BTAF1: variants seen among roughly 807,000 people sequenced by gnomAD.
BTAF1 encodes B-TFIID TATA-box binding protein associated factor 1.
A neutral mutation model predicts 227.1 loss-of-function variants in BTAF1; 38 were observed. That is an observed-to-expected ratio of 0.17 (90% CI 0.13 to 0.22). The LOEUF (loss-of-function observed/expected upper bound fraction) is 0.22, where lower values mean the gene tolerates loss of function less well. BTAF1 is among the 10% of genes least tolerant of loss of function. The pLI is 1.00. For synonymous variants in BTAF1, 742 were observed against 751.9 expected (o/e 0.99, Z 0.21); for missense variants, 1,598 against 2,204.0 (o/e 0.73, Z 5.51).
In BTAF1 at chr10:92,013,552, T is replaced by C. The variant is rs572535332; in HGVS notation, c.4312-115T>C. 4 of 1,342,972 alleles carry C rather than the reference T, an allele frequency of 3.0e-6. No individual in the cohort carries two copies. In the South Asian group the frequency reaches 5.3e-5, roughly 18 times the overall value. 83.2% of individuals were successfully genotyped at this position (1,342,972 alleles called of 1,614,324 possible). On this transcript the variant is annotated intron_variant, in intron 30 of 37. Coordinates refer to ENST00000265990, the MANE Select transcript of BTAF1 (RefSeq NM_003972.3). Reference sequence around the variant, plus strand: ...AAGACTTACACCATATGTCTAAAAATATAGTGATAATCTCTCATCTATATG... The same window carrying C: ...AAGACTTACACCATATGTCTAAAAACATAGTGATAATCTCTCATCTATATG...
At chr10:92,022,471 G>C (rs1851208406) in intron 34 of BTAF1, among the ~76,000 whole-genome samples, 1 of 152,056 alleles carries the variant, frequency 6.6e-6, no homozygotes. Context: ...ACTCAGGCTG[G>C]AGTACAGTGG....
Position 91,956,577 on chromosome 10 carries a change from A to G in BTAF1, c.751A>G (p.Asn251Asp). ...EPEEKRRKIA[N>D]VVINQSANDS... ...AGAAGAAAAGAGACGGAAAATAGCAAATGTTGTTATTAATCAGTCTGCAAA... is the reference window on the plus strand; with the variant it reads ...AGAAGAAAAGAGACGGAAAATAGCAGATGTTGTTATTAATCAGTCTGCAAA... Residue 251 changes from asparagine (N) to aspartate (D), a missense_variant, in exon 7 of 38, where the codon AAT becomes GAT. This residue lies in a region of BTAF1 where 298 missense variants were observed against 395.2 expected (regional missense o/e 0.75). Transcript: ENST00000265990. The G allele has an allele frequency of 1.2e-6, 2 of 1,601,472 alleles. No homozygotes were observed. The highest frequency in any genetic ancestry group is 1.7e-6 in the Non-Finnish European group (2 of 1,176,814).
intron 11 of BTAF1, 49 bp from the exon 12 acceptor site, chr10:91,962,489 A>G (rs1257900955): frequency 1.5e-6 from 2 of 1,342,298 alleles, no homozygotes; most frequent in African/African-American, 1.5e-5. Context: ...GTTTAAGCAC[A>G]GTAACTGTAG....
rs143124844 is a variant in BTAF1, at chr10:91,952,160, TTGTG to T, written c.564+612_564+615del. Among the ~76,000 whole-genome samples the T allele has an allele frequency of 3.7e-3, 545 of 148,594 alleles. 4 individuals are homozygous for T. The highest frequency in any genetic ancestry group is 0.012 in the African/African-American group (502 of 40,734). On this transcript the variant is annotated intron_variant, in intron 5 of 37. Coordinates refer to ENST00000265990, the MANE Select transcript of BTAF1 (RefSeq NM_003972.3). Reference sequence around the variant, plus strand: ...TATATGTATATGTGTGTGTGTGTGTTTGTGTGTGTGTGTGTGTGTGTATATATAT... The same window carrying T: ...TATATGTATATGTGTGTGTGTGTGTTTGTGTGTGTGTGTGTGTATATATAT...
At chr10:91,933,492 G>A (rs1336325082) in intron 1 of BTAF1, among the ~76,000 whole-genome samples, 2 of 152,146 alleles carry the variant, frequency 1.3e-5, no homozygotes, top group Non-Finnish European at 2.9e-5. Context: ...CATATTAAGA[G>A]TATTAAGAAT....
intron 14 of BTAF1, among the ~76,000 whole-genome samples, chr10:91,978,242 G>A (rs1395585996): frequency 1.3e-5 from 2 of 152,114 alleles, no homozygotes. Context: ...AGCCTGAGAA[G>A]ACAACTACAG....
chr10:91,959,986 A>G lies in BTAF1; in HGVS notation c.1095A>G (p.Ala365=). 1 of 1,608,976 alleles carries G rather than the reference A, an allele frequency of 6.2e-7. No individual in the cohort carries two copies. Among genetic ancestry groups the G allele is most frequent in the Non-Finnish European group, 8.5e-7 (1 of 1,177,542 alleles). The part of the protein sequence containing the change: ...FGDFVSDEVV[A]PVRETCAQTL... The stretch of plus-strand genomic sequence containing the variant: ...TCCTTTTTCGTCTGTAGGTTGTGGC[A>G]CCAGTTCGTGAAACTTGTGCTCAAA... Residue 365 remains alanine (A), a synonymous_variant, in exon 11 of 38, where the codon GCA becomes GCG. Coordinates refer to ENST00000265990, the MANE Select transcript of BTAF1 (RefSeq NM_003972.3).
intron 13 of BTAF1, 65 bp downstream of exon 13, chr10:91,964,266 C>T (rs1846722523): frequency 6.6e-7 from 1 of 1,507,194 alleles, no homozygotes; most frequent in African/African-American, 1.4e-5. Flanking sequence ...ATAATTCAGC[C>T]TAAACATAAC....
At chr10:92,014,806 G>A (rs1054019609) in intron 32 of BTAF1, among the ~76,000 whole-genome samples, 1 of 152,116 alleles carries the variant, frequency 6.6e-6, no homozygotes, top group Non-Finnish European at 1.5e-5. Flanking sequence ...TTTTGTCATT[G>A]TGCAAACATC....
chr10:91,952,156 GTGTT>G (rs1193299518), intron 5 of BTAF1, among the ~76,000 whole-genome samples: 4 of 146,054 alleles, frequency 2.7e-5, no homozygotes, highest in African/African-American at 5.3e-5. Context: ...GTGTGTGTGT[GTGTT>G]TGTGTGTGTG....
rs370501922 is a variant in BTAF1, at chr10:91,959,183, C to T, written c.990+29C>T. The T allele has an allele frequency of 5.6e-6, 9 of 1,612,972 alleles. No homozygotes were observed. In the African/African-American group the frequency reaches 1.1e-4, roughly 19 times the overall value. The stretch of plus-strand genomic sequence containing the variant: ...AGTGTATTAATGCAACAATTATCAC[C>T]AAGTATTAATAGTTGGCATCTTTTT... On this transcript the variant is annotated intron_variant, in intron 9 of 37. Transcript: ENST00000265990.
intron 3 of BTAF1, 92 bp from the exon 4 acceptor site, chr10:91,942,325 TGTGTG>T: frequency 3.7e-6 from 3 of 816,600 alleles, no homozygotes; most frequent in East Asian, 2.8e-5. Flanking sequence ...TGTGTGTGTG[TGTGTG>T]TAACCCATGC....
intron 32 of BTAF1, among the ~76,000 whole-genome samples, chr10:92,014,800 G>T (rs946289942): frequency 6.6e-6 from 1 of 152,134 alleles, no homozygotes; most frequent in Admixed American, 6.6e-5. Context: ...AGGTGATTTT[G>T]TCATTGTGCA....
At chr10:92,010,016 C>T (rs1325378174) in intron 28 of BTAF1, among the ~76,000 whole-genome samples, 2 of 151,992 alleles carry the variant, frequency 1.3e-5, no homozygotes, top group African/African-American at 4.8e-5. Flanking sequence ...ATCTTGAGCA[C>T]TTACTGGCCA....
chr10:91,988,186 TA>T (rs1338575913), intron 19 of BTAF1, among the ~76,000 whole-genome samples: 5 of 152,244 alleles, frequency 3.3e-5, no homozygotes, highest in Admixed American at 6.5e-5. Flanking sequence ...TACATTTTCT[TA>T]ATTATTTATA....
chr10:91,974,947 G>T (rs1847579807), intron 14 of BTAF1, among the ~76,000 whole-genome samples: 3 of 152,152 alleles, frequency 2.0e-5, no homozygotes, highest in African/African-American at 7.2e-5. Flanking sequence ...TCAAAGTGAA[G>T]GAATTTACCA....
In BTAF1 at chr10:91,935,467, C is replaced by T. The variant is rs571698988; in HGVS notation, c.15-190C>T. Among the ~76,000 whole-genome samples the T allele has an allele frequency of 7.2e-5, 11 of 152,266 alleles. No homozygotes were observed. In the East Asian group the frequency reaches 9.7e-4, roughly 13 times the overall value. On this transcript the variant is annotated intron_variant, in intron 1 of 37. Coordinates refer to ENST00000265990, the MANE Select transcript of BTAF1 (RefSeq NM_003972.3). ...TCTCTGAGATCGACTTTTTAGCTTC[C>T]ATTTATGAGTGAGAATATGCGGCAT...
At chr10:91,935,856 G>T in intron 2 of BTAF1, 76 bp downstream of exon 2, 4 of 1,248,782 alleles carry the variant, frequency 3.2e-6, no homozygotes, top group South Asian at 4.1e-5. Context: ...AAAAATAAAG[G>T]TAAACATCAT....
Position 91,924,044 on chromosome 10 carries a change from T to A in BTAF1, c.-33T>A. 6.2e-7 allele frequency: 1 copy of A among 1,603,436 alleles called. No individual in the cohort carries two copies. The highest frequency in any genetic ancestry group is 1.7e-4 in the Middle Eastern group (1 of 5,898). On this transcript the variant is annotated 5_prime_UTR_variant, in exon 1 of 38. Coordinates refer to ENST00000265990, the MANE Select transcript of BTAF1 (RefSeq NM_003972.3). ...GCGCCTCAGCTGCGCGGCGCGTAGG[T>A]CGCGGGGAGCTCCGAACCGCCGGCG...
Sources: gnomAD v4.1 joint callset for allele counts (sites outside exome capture counted in the v4.1 genomes callset) on GRCh38, gnomAD v4.1.1 for gene constraint, gnomAD v4.1.1 regional missense constraint, MANE v1.5 for transcripts, NCBI Gene and HGNC (gene_info 2026-07-23, HGNC 2026-07-21) for gene names.